SHISA6: variants seen among roughly 807,000 people sequenced by gnomAD.
SHISA6 encodes shisa family member 6.
Under a neutral mutation model 47.9 loss-of-function variants are expected in SHISA6, and 22 were observed. That is an observed-to-expected ratio of 0.46 (90% CI 0.33 to 0.66). The LOEUF is 0.66. SHISA6 is among the 30% of genes least tolerant of loss of function. The pLI is 0.02. For synonymous variants in SHISA6, 388 were observed against 337.8 expected, an observed-to-expected ratio of 1.15 and a Z score of -1.63; for missense variants, 680 against 764.6, an observed-to-expected ratio of 0.89 and a Z score of 1.30.
At chr17:11,517,904 T>C (rs1567627197) in intron 3 of SHISA6, among the ~76,000 whole-genome samples, 1 of 152,078 alleles carries the variant, frequency 6.6e-6, no homozygotes, top group African/African-American at 2.4e-5. Context: ...CACTCATTTG[T>C]AGGGTAGAGC....
intron 3 of SHISA6, among the ~76,000 whole-genome samples, chr17:11,394,958 TA>T (rs1567593960): frequency 1.3e-5 from 2 of 151,068 alleles, no homozygotes; most frequent in African/African-American, 4.9e-5. Flanking sequence ...TATTTGAGAG[TA>T]AATTTCAGAT....
At chr17:11,415,543 T>C in intron 3 of SHISA6, among the ~76,000 whole-genome samples, 1 of 152,234 alleles carries the variant, frequency 6.6e-6, no homozygotes, top group Non-Finnish European at 1.5e-5. Context: ...TCACCAGCTC[T>C]AATGACCATG....
intron 2 of SHISA6, among the ~76,000 whole-genome samples, chr17:11,339,974 CA>C (rs1911467984): frequency 6.6e-6 from 1 of 152,152 alleles, no homozygotes; most frequent in Admixed American, 6.5e-5. Context: ...GATGACCCAG[CA>C]GAGAAAGAAA....
chr17:11,531,151 G>A (rs995091571), intron 3 of SHISA6, among the ~76,000 whole-genome samples: 2 of 150,924 alleles, frequency 1.3e-5, no homozygotes, highest in Non-Finnish European at 2.9e-5. Context: ...GTGGCCAGTC[G>A]GTCTGGGTCA....
Position 11,517,374 on chromosome 17 carries a change from T to C in SHISA6, c.896-34522T>C, listed in dbSNP as rs542679781. On this transcript the variant is annotated intron_variant, in intron 3 of 5. Coordinates refer to ENST00000441885, the MANE Select transcript of SHISA6 (RefSeq NM_207386.4). ...CACTTTACATAAGATAAGGTGAACA[T>C]AGAGTAGCTACCTGTGGAGATATTT... Among the ~76,000 whole-genome samples, 3 of 152,342 alleles carry C rather than the reference T, an allele frequency of 2.0e-5. No homozygotes were observed. In the South Asian group the frequency reaches 6.2e-4, roughly 32 times the overall value.
At chr17:11,460,686 GT>G (rs374260684) in intron 3 of SHISA6, among the ~76,000 whole-genome samples, 45 of 152,250 alleles carry the variant, frequency 3.0e-4, no homozygotes, top group African/African-American at 9.9e-4. Context: ...CCAGTGATGA[GT>G]TTTTATGCAT....
chr17:11,277,280 TCACA>T (rs113287260), intron 2 of SHISA6, among the ~76,000 whole-genome samples: 1,131 of 53,682 alleles, frequency 0.021, 15 homozygotes, highest in African/African-American at 0.048. Context: ...TCTCTCTCTC[TCACA>T]CACACACACA....
At chr17:11,312,126 AT>A (rs968139670) in intron 2 of SHISA6, among the ~76,000 whole-genome samples, 6 of 151,696 alleles carry the variant, frequency 4.0e-5, no homozygotes, top group Admixed American at 3.9e-4. Flanking sequence ...CGCTTTACTT[AT>A]TTTTTTTGGT....
rs889809610 is a variant in SHISA6, at chr17:11,320,266, C to T, written c.799+56740C>T. On this transcript the variant is annotated intron_variant, in intron 2 of 5. Coordinates refer to ENST00000441885, the MANE Select transcript of SHISA6 (RefSeq NM_207386.4). ...GCTTTGATGCTTAACAATTAAGTGACAAATAAGCTGTTTCAGAGAAATTGG... is the reference window on the plus strand; with the variant it reads ...GCTTTGATGCTTAACAATTAAGTGATAAATAAGCTGTTTCAGAGAAATTGG... 5.3e-5 allele frequency among the ~76,000 whole-genome samples: 8 copies of T among 152,080 alleles called. No individual in the cohort carries two copies. In the South Asian group the frequency reaches 1.0e-3, roughly 20 times the overall value.
At chr17:11,263,028 G>A (rs1338339563) in intron 1 of SHISA6, among the ~76,000 whole-genome samples, 2 of 152,156 alleles carry the variant, frequency 1.3e-5, no homozygotes, top group Non-Finnish European at 2.9e-5. Context: ...CACCATAGTG[G>A]CATTCCACTG....
intron 3 of SHISA6, among the ~76,000 whole-genome samples, chr17:11,411,035 C>T (rs1282024899): frequency 6.6e-6 from 1 of 152,150 alleles, no homozygotes; most frequent in Non-Finnish European, 1.5e-5. Flanking sequence ...GTGGCGCGAT[C>T]TTGGCTCACT....
At chr17:11,484,967 C>A (rs532133759) in intron 3 of SHISA6, among the ~76,000 whole-genome samples, 1 of 152,058 alleles carries the variant, frequency 6.6e-6, no homozygotes, top group Non-Finnish European at 1.5e-5. Flanking sequence ...GATAAAAGAG[C>A]GTGTTATTTT....
intron 3 of SHISA6, among the ~76,000 whole-genome samples, chr17:11,465,425 G>A (rs1056865894): frequency 3.9e-5 from 6 of 152,074 alleles, no homozygotes; most frequent in African/African-American, 1.2e-4. Flanking sequence ...ATTTTTGTTT[G>A]AAATAGTGTC....
At chr17:11,312,665 G>T (rs2142188152) in intron 2 of SHISA6, among the ~76,000 whole-genome samples, 1 of 152,252 alleles carries the variant, frequency 6.6e-6, no homozygotes, top group Non-Finnish European at 1.5e-5. Flanking sequence ...TCAAAATGAA[G>T]TAATATCATA....
chr17:11,242,034 C>A lies in SHISA6; in HGVS notation c.612C>A (p.Arg204=). Residue 204 remains arginine, a synonymous_variant, in exon 1 of 6, where the codon CGC becomes CGA. Coordinates refer to ENST00000441885, the MANE Select transcript of SHISA6 (RefSeq NM_207386.4). ...AGGTCTCCTACGACAAGGCCCACCGCCCTCCACGGGAGATGAACATCCACA... is the reference window on the plus strand; with the variant it reads ...AGGTCTCCTACGACAAGGCCCACCGACCTCCACGGGAGATGAACATCCACA... ...FAKVSYDKAH[R]PPREMNIHRA... 2.6e-6 allele frequency: 4 copies of A among 1,550,850 alleles called. No individual in the cohort carries two copies. Among genetic ancestry groups the A allele is most frequent in the South Asian group, 1.2e-5 (1 of 84,056 alleles).
At chr17:11,531,326 T>C (rs542558990) in intron 3 of SHISA6, among the ~76,000 whole-genome samples, 263 of 151,924 alleles carry the variant, frequency 1.7e-3, no homozygotes, top group African/African-American at 6.1e-3. Context: ...ATGATGCCAT[T>C]GTCCTCCCCC....
At chr17:11,413,460 C>T (rs7216565) in intron 3 of SHISA6, among the ~76,000 whole-genome samples, 4,452 of 152,306 alleles carry the variant, frequency 0.029, 199 homozygotes, top group African/African-American at 0.1. Flanking sequence ...TACCACCAGA[C>T]ACCGGCTTCT....
Position 11,258,496 on chromosome 17 carries a change from G to A in SHISA6, c.639-4870G>A, listed in dbSNP as rs187105135. 1.8e-4 allele frequency among the ~76,000 whole-genome samples: 27 copies of A among 152,300 alleles called. No individual in the cohort carries two copies. The East Asian group carries it at 5.0e-3, about 28-fold the overall frequency. On this transcript the variant is annotated intron_variant, in intron 1 of 5. Transcript: ENST00000441885. ...GGAACTAAGTTTGACCATCTGTTCAGCGAATGAAGATTGGGACAAAAAATA... is the reference window on the plus strand; with the variant it reads ...GGAACTAAGTTTGACCATCTGTTCAACGAATGAAGATTGGGACAAAAAATA...
At chr17:11,466,013 G>A (rs1337257990) in intron 3 of SHISA6, among the ~76,000 whole-genome samples, 1 of 152,106 alleles carries the variant, frequency 6.6e-6, no homozygotes, top group East Asian at 1.9e-4. Context: ...GACTACAACT[G>A]AAGGAATGCA....
Sources: gnomAD v4.1 joint callset for allele counts (sites outside exome capture counted in the v4.1 genomes callset) on GRCh38, gnomAD v4.1.1 for gene constraint, MANE v1.5 for transcripts, NCBI Gene and HGNC (gene_info 2026-07-23, HGNC 2026-07-21) for gene names.